ECE1: variants seen among roughly 807,000 people sequenced by gnomAD.
The protein encoded by ECE1 is endothelin converting enzyme 1, also known as endothelin-converting enzyme 1.
In ECE1, 35 loss-of-function variants were observed where a neutral mutation model predicts 98.6. The observed-to-expected ratio is 0.35, with a 90% confidence interval of 0.27 to 0.47. ECE1 has a LOEUF of 0.47. Ranked by LOEUF, ECE1 falls within the 20% of genes least tolerant of loss-of-function variation. The pLI is 1.00. For missense variants in ECE1, 814 were observed against 1,025.3 expected (o/e 0.79, Z 2.81); for synonymous variants, 394 against 407.1 (o/e 0.97, Z 0.39).
chr1:21,245,238 T>C (rs564635440), intron 9 of ECE1, 135 bp from the exon 10 acceptor site: 2 of 738,550 alleles, frequency 2.7e-6, no homozygotes, highest in South Asian at 3.0e-5. Context: ...GGGGGCTTGG[T>C]GGGTTACTGC....
At chr1:21,232,143 A>C (rs1421003727) in intron 14 of ECE1, among the ~76,000 whole-genome samples, 1 of 152,164 alleles carries the variant, frequency 6.6e-6, no homozygotes, top group Non-Finnish European at 1.5e-5. Flanking sequence ...GAACCCCTAT[A>C]GTCCACCAGG....
intron 1 of ECE1, among the ~76,000 whole-genome samples, chr1:21,337,704 T>C (rs1207452182): frequency 2.6e-5 from 4 of 152,192 alleles, no homozygotes. Context: ...AGGATCTGAT[T>C]GAGCGTTTCT....
chr1:21,233,763 G>C lies in ECE1; in HGVS notation c.1567-102C>G. 1.8e-6 allele frequency: 2 copies of C among 1,092,482 alleles called. No homozygotes were observed. Among genetic ancestry groups the C allele is most frequent in the Non-Finnish European group, 2.7e-6 (2 of 731,240 alleles). The allele number at this position is 1,092,482 out of a possible 1,614,324, so 67.7% of individuals were successfully genotyped here. A position where few individuals can be genotyped will look rare whatever the true frequency, so the allele number is the denominator to read the frequency against. On this transcript the variant is annotated intron_variant, in intron 13 of 18. Coordinates refer to ENST00000374893, the MANE Select transcript of ECE1 (RefSeq NM_001397.3). The surrounding 1 kb of genome is among the most constrained non-coding windows in gnomAD (Gnocchi z 4.0). ...GTCATGGTTAAGAGATTAATCTGCA[G>C]GCTGGAGACCGGAATGCAGGGCTTG...
At position 21,307,485 on chromosome 1, in the gene ECE1, G is replaced by A. The variant is rs149688300; in HGVS notation, c.4-17329C>T. ...GAGTCTGTGTAAAGTGCCAAGCACA[G>A]TGGCTGGCACATATTAAGTATTTCA... On this transcript the variant is annotated intron_variant, in intron 1 of 18. Transcript: ENST00000415912. This position sits in a 1 kb window ranked among gnomAD's most constrained non-coding sequence, Gnocchi z 4.2. Among the ~76,000 whole-genome samples, 999 of 152,302 alleles carry A rather than the reference G, an allele frequency of 6.6e-3. 5 individuals are homozygous for A. The highest frequency in any genetic ancestry group is 0.027 in the Middle Eastern group (8 of 294).
intron 1 of ECE1, among the ~76,000 whole-genome samples, chr1:21,314,255 T>C (rs2103393968): frequency 6.6e-6 from 1 of 152,312 alleles, no homozygotes. Context: ...GCCTGCAGAA[T>C]GGCGTGGGAG....
intron 8 of ECE1, among the ~76,000 whole-genome samples, chr1:21,252,869 C>T (rs2103275119): frequency 6.6e-6 from 1 of 152,224 alleles, no homozygotes; most frequent in South Asian, 2.1e-4. Context: ...GGAATAGTAA[C>T]AATAATGATG....
chr1:21,301,387 G>A (rs1457951689), intron 1 of ECE1, among the ~76,000 whole-genome samples: 1 of 152,170 alleles, frequency 6.6e-6, no homozygotes, highest in Non-Finnish European at 1.5e-5. Flanking sequence ...CCAGCTACTT[G>A]GGAGGCTGAG....
At chr1:21,276,420 T>C (rs1260250442) in intron 3 of ECE1, among the ~76,000 whole-genome samples, 2 of 152,220 alleles carry the variant, frequency 1.3e-5, no homozygotes, top group African/African-American at 2.4e-5. Context: ...TTCTTTCCGT[T>C]GGGACATGCG....
At chr1:21,342,801 G>A (rs1185477753) in intron 1 of ECE1, among the ~76,000 whole-genome samples, 1 of 152,168 alleles carries the variant, frequency 6.6e-6, no homozygotes, top group African/African-American at 2.4e-5. Context: ...CCTCAGGAAT[G>A]ACAGCACAGG....
chr1:21,250,565 A>G (rs1208189952), intron 8 of ECE1, among the ~76,000 whole-genome samples: 2 of 152,222 alleles, frequency 1.3e-5, no homozygotes, highest in Non-Finnish European at 2.9e-5. Context: ...ATGCAAGACA[A>G]AGGAGGTGAG....
At chr1:21,278,360 G>C (rs1314850961) in intron 3 of ECE1, among the ~76,000 whole-genome samples, 1 of 152,250 alleles carries the variant, frequency 6.6e-6, no homozygotes, top group Non-Finnish European at 1.5e-5. Context: ...AGCAGGATCA[G>C]AGTGGCCCAA....
In ECE1 at chr1:21,235,807, G is replaced by A. The variant is rs775599693; in HGVS notation, c.1566+43C>T. ...AGCCCTGCCTCGGCCCTTTTCTAAGGGGGCATTTAGGAACGCAAGGGGGCA... is the reference window on the plus strand; with the variant it reads ...AGCCCTGCCTCGGCCCTTTTCTAAGAGGGCATTTAGGAACGCAAGGGGGCA... On this transcript the variant is annotated intron_variant, in intron 13 of 18. Coordinates refer to ENST00000374893, the MANE Select transcript of ECE1 (RefSeq NM_001397.3). This position sits in a 1 kb window ranked among gnomAD's most constrained non-coding sequence, Gnocchi z 4.2. 1.2e-6 allele frequency: 2 copies of A among 1,600,264 alleles called. No homozygotes were observed. The highest frequency in any genetic ancestry group is 1.7e-6 in the Non-Finnish European group (2 of 1,167,378).
intron 1 of ECE1, among the ~76,000 whole-genome samples, chr1:21,312,854 C>G (rs1638758055): frequency 6.6e-6 from 1 of 152,016 alleles, no homozygotes; most frequent in African/African-American, 2.4e-5. Flanking sequence ...AATAATAGCC[C>G]CACTCTCATA....
intron 1 of ECE1, among the ~76,000 whole-genome samples, chr1:21,321,676 C>T (rs1638966588): frequency 6.6e-6 from 1 of 152,156 alleles, no homozygotes. Context: ...AGTGTAATGG[C>T]GCAATCTCGG....
chr1:21,329,185 G>A (rs1639143752), intron 1 of ECE1, among the ~76,000 whole-genome samples: 2 of 152,162 alleles, frequency 1.3e-5, no homozygotes, highest in African/African-American at 4.8e-5. Context: ...TAGGTTCCTG[G>A]ACCCTCCCCC....
chr1:21,243,115 T>C (rs1220741523), intron 10 of ECE1, among the ~76,000 whole-genome samples: 2 of 152,232 alleles, frequency 1.3e-5, no homozygotes, highest in Non-Finnish European at 2.9e-5. Flanking sequence ...TGGAATCAGA[T>C]AGGCTGGATT....
At chr1:21,268,512 T>C (rs1033391178) in intron 4 of ECE1, among the ~76,000 whole-genome samples, 1 of 152,228 alleles carries the variant, frequency 6.6e-6, no homozygotes, top group Non-Finnish European at 1.5e-5. Flanking sequence ...CTGAGGAGCC[T>C]AGCATGAATT....
At chr1:21,279,604 G>A in intron 2 of ECE1, 1 of 1,432,288 alleles carries the variant, frequency 7.0e-7, no homozygotes, top group South Asian at 1.5e-5. Context: ...ATGAGTGGAA[G>A]GAAAAAACTA....
intron 1 of ECE1, among the ~76,000 whole-genome samples, chr1:21,301,321 C>T (rs552567694): frequency 2.0e-5 from 3 of 151,616 alleles, no homozygotes; most frequent in South Asian, 4.2e-4. Flanking sequence ...GGTGAAACCC[C>T]GTCTCTACTA....
Sources: allele counts gnomAD v4.1 joint callset (sites outside exome capture counted in the v4.1 genomes callset), GRCh38; gene constraint gnomAD v4.1.1; non-coding constraint Gnocchi (gnomAD v3.1); transcripts MANE v1.5; gene names NCBI Gene and HGNC (gene_info 2026-07-23, HGNC 2026-07-21).